The following SGMS1 variants were observed in gnomAD, a reference collection of about 807,000 sequenced individuals.
The protein encoded by SGMS1 is sphingomyelin synthase 1, also known as phosphatidylcholine:ceramide cholinephosphotransferase 1.
In SGMS1, 13 loss-of-function variants were observed where a neutral mutation model predicts 46.2. The observed-to-expected ratio is 0.28, with a 90% CI of 0.18 to 0.45. SGMS1 has a LOEUF of 0.45. Among genes scored for constraint, SGMS1 ranks in the 20% least tolerant of loss-of-function variants. The pLI is 1.00. For missense variants in SGMS1, 324 were observed against 519.9 expected, an observed-to-expected ratio of 0.62 and a Z score of 3.66; for synonymous variants, 203 against 187.8, an observed-to-expected ratio of 1.08 and a Z score of -0.66.
At chr10:50,322,942 T>C (rs1037324638) in intron 8 of SGMS1, among the ~76,000 whole-genome samples, 2 of 150,880 alleles carry the variant, frequency 1.3e-5, no homozygotes. Flanking sequence ...AATCAAGGTA[T>C]CAAAAATTTG....
In SGMS1 at chr10:50,382,783, G is replaced by A. The variant is rs542394457; in HGVS notation, c.-231-38438C>T. Among the ~76,000 whole-genome samples the A allele has an allele frequency of 8.5e-5, 13 of 152,208 alleles. No individual in the cohort carries two copies. In the East Asian group the frequency reaches 2.5e-3, roughly 29 times the overall value. ...GGTCTTATGAAATTGAATTTCATAC[G>A]ACTGTCACTCTGGGCTTCATTTAAT... On this transcript the variant is annotated intron_variant, in intron 6 of 10. Coordinates refer to ENST00000361781, the MANE Select transcript of SGMS1 (RefSeq NM_147156.4).
chr10:50,505,169 T>C (rs1837696214), intron 3 of SGMS1, among the ~76,000 whole-genome samples: 1 of 152,142 alleles, frequency 6.6e-6, no homozygotes. Flanking sequence ...TGTGCTATGA[T>C]TGTGCCACTG....
intron 6 of SGMS1, among the ~76,000 whole-genome samples, chr10:50,366,378 T>C (rs888742928): frequency 2.8e-4 from 42 of 152,222 alleles, no homozygotes; most frequent in African/African-American, 9.4e-4. Context: ...TCAACCATTG[T>C]GGAACACAGT....
intron 8 of SGMS1, among the ~76,000 whole-genome samples, chr10:50,317,515 T>C (rs1452983530): frequency 3.9e-5 from 6 of 152,154 alleles, no homozygotes; most frequent in Non-Finnish European, 8.8e-5. Flanking sequence ...ATGTCTTACC[T>C]CTGAGCTAAA....
chr10:50,395,989 A>G (rs868351338), intron 6 of SGMS1, among the ~76,000 whole-genome samples: 6 of 152,172 alleles, frequency 3.9e-5, no homozygotes, highest in African/African-American at 1.4e-4. Context: ...TGAAAAAGTT[A>G]TTTCCACCCT....
intron 5 of SGMS1, among the ~76,000 whole-genome samples, chr10:50,446,846 A>C (rs1837023003): frequency 6.6e-6 from 1 of 152,182 alleles, no homozygotes; most frequent in African/African-American, 2.4e-5. Flanking sequence ...ATTATACCTA[A>C]ATTTTAAAAT....
chr10:50,406,065 G>GA (rs989875368), intron 6 of SGMS1, among the ~76,000 whole-genome samples: 34 of 151,956 alleles, frequency 2.2e-4, no homozygotes, highest in African/African-American at 8.2e-4. Context: ...TTACCTTGTT[G>GA]AAAAAAATAA....
At chr10:50,543,036 T>C (rs1267358082) in intron 2 of SGMS1, among the ~76,000 whole-genome samples, 2 of 152,158 alleles carry the variant, frequency 1.3e-5, no homozygotes, top group Admixed American at 6.5e-5. Context: ...CAAGGGACAT[T>C]AGGCATCCAC....
chr10:50,495,778 G>A (rs200241090), intron 3 of SGMS1, among the ~76,000 whole-genome samples: 1 of 138,318 alleles, frequency 7.2e-6, no homozygotes, highest in Non-Finnish European at 1.6e-5. Context: ...AAAAAAAAAA[G>A]AGCAAAGTTT....
chr10:50,376,699 T>C (rs1848527095), intron 6 of SGMS1, among the ~76,000 whole-genome samples: 1 of 152,180 alleles, frequency 6.6e-6, no homozygotes, highest in South Asian at 2.1e-4. Flanking sequence ...TTTTTGGCCT[T>C]GCGATAGTTT....
chr10:50,309,743 G>T (rs943863381), intron 9 of SGMS1, among the ~76,000 whole-genome samples: 4 of 152,146 alleles, frequency 2.6e-5, no homozygotes, highest in Non-Finnish European at 5.9e-5. Flanking sequence ...GCCCTGAAGT[G>T]CATCTCTCTT....
chr10:50,448,514 G>A (rs539839717), intron 5 of SGMS1, among the ~76,000 whole-genome samples: 1 of 152,222 alleles, frequency 6.6e-6, no homozygotes, highest in South Asian at 2.1e-4. Context: ...GGAGGCTGAG[G>A]TGGGTGAATC....
chr10:50,509,569 T>C (rs561743465), intron 3 of SGMS1, among the ~76,000 whole-genome samples: 7 of 152,318 alleles, frequency 4.6e-5, no homozygotes, highest in South Asian at 4.1e-4. Flanking sequence ...GGAGAGGTGA[T>C]AGAGTGAAAT....
At chr10:50,437,469 C>A (rs61856793) in intron 5 of SGMS1, among the ~76,000 whole-genome samples, 26,448 of 152,152 alleles carry the variant, frequency 0.17, 2,615 homozygotes, top group Admixed American at 0.24. Context: ...GAAATTCAAG[C>A]CCACGCAGTC....
At chr10:50,582,005 A>G (rs1838439359) in intron 2 of SGMS1, among the ~76,000 whole-genome samples, 1 of 152,234 alleles carries the variant, frequency 6.6e-6, no homozygotes, top group Non-Finnish European at 1.5e-5. Context: ...CAGCAACCGC[A>G]GGGCAGAGCC....
chr10:50,562,879 C>T (rs1186091511), intron 2 of SGMS1, among the ~76,000 whole-genome samples: 2 of 152,074 alleles, frequency 1.3e-5, no homozygotes, highest in African/African-American at 2.4e-5. Context: ...GGGTTTGCTC[C>T]GTGTCCCTTT....
rs1847866989 is a variant in SGMS1, at chr10:50,343,885, T to C, written c.230A>G (p.Lys77Arg). Residue 77 changes from lysine to arginine, a missense_variant, in exon 7 of 11, where the codon AAG becomes AGG. Lys to Arg is a conservative substitution (Grantham distance 26). Transcript: ENST00000361781. Reference protein sequence around the residue: ...LKMEHHLEAHKNGHANGHLNI... With the variant: ...LKMEHHLEAHRNGHANGHLNI... ...GAGGTGCCCATTGGCATGGCCGTTC[T>C]TGTGTGCTTCCAAATGGTGCTCCAT... 5.0e-6 allele frequency: 8 copies of C among 1,614,038 alleles called. No individual in the cohort carries two copies. The highest frequency in any genetic ancestry group is 1.6e-4 in the Middle Eastern group (1 of 6,082).
chr10:50,457,908 A>G (rs766740150), intron 5 of SGMS1, among the ~76,000 whole-genome samples: 81 of 152,232 alleles, frequency 5.3e-4, no homozygotes, highest in Admixed American at 1.6e-3. Flanking sequence ...GTGTGATTAT[A>G]TGGCCAAATT....
At chr10:50,465,768 G>A (rs1482446897) in intron 4 of SGMS1, among the ~76,000 whole-genome samples, 1 of 151,614 alleles carries the variant, frequency 6.6e-6, no homozygotes, top group Non-Finnish European at 1.5e-5. Flanking sequence ...AAGCTGAGAG[G>A]ACAAAAACAA....
Sources: allele counts gnomAD v4.1 joint callset (sites outside exome capture counted in the v4.1 genomes callset), GRCh38; gene constraint gnomAD v4.1.1; transcripts MANE v1.5; gene names NCBI Gene and HGNC (gene_info 2026-07-23, HGNC 2026-07-21).